The following FRMD4B variants were observed in gnomAD, a reference collection of about 807,000 sequenced individuals.
The protein encoded by FRMD4B is FERM domain containing 4B, also known as FERM domain-containing protein 4B.
A neutral mutation model predicts 141.5 loss-of-function variants in FRMD4B; 74 were observed. The observed-to-expected ratio is 0.52, with a 90% CI of 0.43 to 0.63. FRMD4B has a LOEUF of 0.63. Among genes scored for constraint, FRMD4B ranks in the 30% least tolerant of loss-of-function variants. FRMD4B has a pLI of 0.00. For synonymous variants in FRMD4B, 506 were observed against 467.9 expected, an observed-to-expected ratio of 1.08 and a Z score of -1.05; for missense variants, 1,366 against 1,253.4, an observed-to-expected ratio of 1.09 and a Z score of -1.36.
At chr3:69,287,712 T>A in intron 5 of FRMD4B, 40 bp downstream of exon 5, 1 of 1,008,458 alleles carries the variant, frequency 9.9e-7, no homozygotes, top group East Asian at 2.4e-5. Context: ...TCCCAGTCGC[T>A]CTGGAGGCAT....
intron 1 of FRMD4B, among the ~76,000 whole-genome samples, chr3:69,383,017 C>G (rs973088356): frequency 2.6e-5 from 4 of 152,156 alleles, no homozygotes; most frequent in African/African-American, 4.8e-5. Context: ...AAAATCCTAA[C>G]TCATGGAAAA....
chr3:69,351,997 G>A (rs1224673957), intron 1 of FRMD4B, among the ~76,000 whole-genome samples: 1 of 152,188 alleles, frequency 6.6e-6, no homozygotes, highest in Admixed American at 6.5e-5. Context: ...CCTGTCTGCA[G>A]CAACCTCCAT....
intron 7 of FRMD4B, among the ~76,000 whole-genome samples, chr3:69,238,922 G>C (rs886645745): frequency 4.6e-5 from 7 of 152,148 alleles, no homozygotes; most frequent in Non-Finnish European, 7.4e-5. Flanking sequence ...TCCTAAAGGG[G>C]TGATCTGGGT....
At chr3:69,441,258 A>C (rs965461047) in intron 1 of FRMD4B, among the ~76,000 whole-genome samples, 1 of 151,978 alleles carries the variant, frequency 6.6e-6, no homozygotes, top group Non-Finnish European at 1.5e-5. Flanking sequence ...GGTTTTCTTT[A>C]CTTTTTTTTC....
At chr3:69,278,187 C>A (rs2093627516) in intron 5 of FRMD4B, among the ~76,000 whole-genome samples, 1 of 152,134 alleles carries the variant, frequency 6.6e-6, no homozygotes, top group Non-Finnish European at 1.5e-5. Flanking sequence ...GTAGGCAGTC[C>A]ATTAATAAGT....
At chr3:69,277,798 G>A (rs572022070) in intron 5 of FRMD4B, among the ~76,000 whole-genome samples, 4 of 151,612 alleles carry the variant, frequency 2.6e-5, no homozygotes, top group Non-Finnish European at 5.9e-5. Flanking sequence ...CCAAAGTGAT[G>A]GGATTACAGG....
chr3:69,226,411 G>T (rs1487627137), intron 7 of FRMD4B, among the ~76,000 whole-genome samples: 1 of 135,494 alleles, frequency 7.4e-6, no homozygotes, highest in African/African-American at 2.7e-5. Flanking sequence ...GTTCTGTCTG[G>T]CATACCACAT....
intron 2 of FRMD4B, among the ~76,000 whole-genome samples, chr3:69,421,324 A>C (rs1292940438): frequency 6.6e-6 from 1 of 152,220 alleles, no homozygotes; most frequent in African/African-American, 2.4e-5. Context: ...TCCCGTATGA[A>C]GAGTCATCTG....
intron 22 of FRMD4B, among the ~76,000 whole-genome samples, chr3:69,173,311 G>A (rs1317328538): frequency 2.0e-5 from 3 of 151,982 alleles, no homozygotes. Context: ...TATGCCAATT[G>A]TACTAGAAAA....
At chr3:69,456,844 A>T (rs1411965991) in intron 1 of FRMD4B, among the ~76,000 whole-genome samples, 11 of 152,018 alleles carry the variant, frequency 7.2e-5, no homozygotes, top group African/African-American at 2.7e-4. Context: ...GAGCACAGCC[A>T]CACTCTTTCT....
intron 1 of FRMD4B, among the ~76,000 whole-genome samples, chr3:69,489,857 A>C (rs1245792002): frequency 2.6e-5 from 4 of 152,240 alleles, no homozygotes; most frequent in Non-Finnish European, 5.9e-5. Flanking sequence ...TGAATGGGTA[A>C]ATAAAATGTG....
intron 5 of FRMD4B, among the ~76,000 whole-genome samples, chr3:69,251,275 C>T (rs147515685): frequency 1.3e-5 from 2 of 152,262 alleles, no homozygotes; most frequent in African/African-American, 4.8e-5. Flanking sequence ...TCCCTTCCAC[C>T]TCTTGAATCT....
At chr3:69,451,040 T>C (rs770571647) in intron 1 of FRMD4B, among the ~76,000 whole-genome samples, 38 of 152,190 alleles carry the variant, frequency 2.5e-4, no homozygotes, top group Admixed American at 2.5e-3. Flanking sequence ...TAATGATGAC[T>C]TCTAGCAGAG....
At chr3:69,483,086 T>C (rs935877640) in intron 1 of FRMD4B, among the ~76,000 whole-genome samples, 2 of 152,046 alleles carry the variant, frequency 1.3e-5, no homozygotes, top group Non-Finnish European at 1.5e-5. Flanking sequence ...CTTCCTAAAA[T>C]TTTTTTTGTA....
At chr3:69,313,551 GC>G in intron 1 of FRMD4B, 34 bp from the exon 2 acceptor site, 1 of 1,373,056 alleles carries the variant, frequency 7.3e-7, no homozygotes, top group Non-Finnish European at 1.0e-6. Flanking sequence ...TGGTGTCAGG[GC>G]CACGGCTGGC....
chr3:69,421,917 C>T (rs973353517), intron 2 of FRMD4B, among the ~76,000 whole-genome samples: 1 of 152,176 alleles, frequency 6.6e-6, no homozygotes, highest in East Asian at 1.9e-4. Context: ...ACTGGAATTT[C>T]GTGGCATAAC....
intron 1 of FRMD4B, among the ~76,000 whole-genome samples, chr3:69,439,198 G>A (rs1321782318): frequency 6.6e-6 from 1 of 152,118 alleles, no homozygotes; most frequent in African/African-American, 2.4e-5. Context: ...ATTAACTGTT[G>A]CATAGTGCTC....
intron 2 of FRMD4B, among the ~76,000 whole-genome samples, chr3:69,429,757 T>C (rs945266087): frequency 1.1e-3 from 153 of 144,054 alleles, no homozygotes; most frequent in African/African-American, 3.9e-3. Flanking sequence ...CTTCTTTTTT[T>C]TTTTTTTTTT....
At chr3:69,256,081 G>A (rs574774922) in intron 5 of FRMD4B, among the ~76,000 whole-genome samples, 97 of 150,910 alleles carry the variant, frequency 6.4e-4, no homozygotes, top group African/African-American at 2.3e-3. Context: ...TGGGTGACAC[G>A]GTGAGACCTG....
Sources: gnomAD v4.1 joint callset for allele counts (sites outside exome capture counted in the v4.1 genomes callset) on GRCh38, gnomAD v4.1.1 for gene constraint, MANE v1.5 for transcripts, NCBI Gene and HGNC (gene_info 2026-07-23, HGNC 2026-07-21) for gene names.